The following C2orf92 variants were observed in gnomAD, a reference collection of about 807,000 sequenced individuals.
C2orf92 encodes uncharacterized protein C2orf92.
upstream of C2orf92, chr2:97,668,007 C>A (rs2104525297): frequency 6.6e-6 from 1 of 152,210 alleles, no homozygotes; most frequent in Admixed American, 6.5e-5. Context: ...AGATTTTAGA[C>A]CCTCTTCAAC....
intron 2 of C2orf92, chr2:97,675,587 T>G (rs1675547569): frequency 2.8e-6 from 1 of 358,780 alleles, no homozygotes; most frequent in South Asian, 1.5e-4. Flanking sequence ...AAACCTGCCA[T>G]GTGCACAAAT....
chr2:97,692,685 C>G (rs943657227), intron 5 of C2orf92, among the ~76,000 whole-genome samples: 7 of 152,244 alleles, frequency 4.6e-5, no homozygotes, highest in Non-Finnish European at 8.8e-5. Flanking sequence ...GCTGGGATTA[C>G]AGGCATGAGC....
chr2:97,671,594 G>A, intron 1 of C2orf92: 1 of 398,154 alleles, frequency 2.5e-6, no homozygotes, highest in Non-Finnish European at 4.4e-6. Flanking sequence ...TCCCGCTGCT[G>A]TGAAGGGAAG....
chr2:97,682,448 G>A (rs1273995909), intron 3 of C2orf92, among the ~76,000 whole-genome samples: 1 of 152,164 alleles, frequency 6.6e-6, no homozygotes, highest in African/African-American at 2.4e-5. Context: ...AACACTTCCT[G>A]GCTTACTCTA....
chr2:97,686,764 C>T (rs971917356), intron 3 of C2orf92, among the ~76,000 whole-genome samples: 1 of 152,038 alleles, frequency 6.6e-6, no homozygotes, highest in African/African-American at 2.4e-5. Context: ...GCCTCAGTCC[C>T]AGCACTTTGG....
upstream of C2orf92, chr2:97,665,731 CTCTCTCTATATATATATATA>C (rs1357138710): frequency 0.018 from 414 of 23,176 alleles, 2 homozygotes; most frequent in African/African-American, 0.056. Flanking sequence ...CTCTCTCTCT[CTCTCTCTATATATATATATA>C]TATATATATA....
chr2:97,690,421 C>T (rs1573221397), intron 5 of C2orf92, 94 bp downstream of exon 5: 1 of 383,770 alleles, frequency 2.6e-6, no homozygotes, highest in African/African-American at 2.1e-5. Flanking sequence ...CACTCTGTTG[C>T]CCAGGCTGGA....
rs1333159647 is a variant in C2orf92, at chr2:97,701,310, T to C, written c.665+6T>C. The C allele has an allele frequency of 5.0e-6, 2 of 398,778 alleles. No individual in the cohort carries two copies. The highest frequency in any genetic ancestry group is 4.1e-5 in the African/African-American group (2 of 48,620). 24.7% of individuals were successfully genotyped at this position (398,778 alleles called of 1,614,324 possible). A position where few individuals can be genotyped will look rare whatever the true frequency, so the allele number is the denominator to read the frequency against. ...ATCAGGAAGAAACAGCCATCGTGCG[T>C]GGTGCTGGCATAACCTTCCTTCCAA... is the stretch of plus-strand genomic sequence containing the variant. On this transcript the variant is annotated splice_donor_region_variant and intron_variant, in intron 7 of 7. Transcript: ENST00000627399.
At chr2:97,689,585 T>G (rs1399118427) in intron 4 of C2orf92, among the ~76,000 whole-genome samples, 1 of 152,148 alleles carries the variant, frequency 6.6e-6, no homozygotes, top group African/African-American at 2.4e-5. Flanking sequence ...AATAGTGTAT[T>G]GGAAATCTGC....
Position 97,699,224 on chromosome 2 carries a change from ACT to A in C2orf92, c.514+89_514+90del. The A allele has an allele frequency of 1.0e-5, 4 of 396,776 alleles. No individual in the cohort carries two copies. In the East Asian group the frequency reaches 1.4e-4, roughly 14 times the overall value. 24.6% of individuals were successfully genotyped at this position (396,776 alleles called of 1,614,324 possible). On this transcript the variant is annotated intron_variant, in intron 6 of 7. Transcript: ENST00000627399. ...GTCTTTTGCCTTTCATGGTATTTTAACTGACATCTTTAATTCACCCGCTAAAG... is the reference window on the plus strand; with the variant it reads ...GTCTTTTGCCTTTCATGGTATTTTAAGACATCTTTAATTCACCCGCTAAAG...
chr2:97,681,998 A>G (rs1280377529), intron 3 of C2orf92, among the ~76,000 whole-genome samples: 1 of 152,206 alleles, frequency 6.6e-6, no homozygotes, highest in East Asian at 1.9e-4. Flanking sequence ...AAATAACAGA[A>G]AAACAATAGA....
chr2:97,674,643 A>G, intron 2 of C2orf92, 86 bp downstream of exon 2: 1 of 397,092 alleles, frequency 2.5e-6, no homozygotes. Flanking sequence ...GCATTTTAGC[A>G]TTCCTTAAAT....
At chr2:97,690,715 C>G (rs1277342828) in intron 5 of C2orf92, among the ~76,000 whole-genome samples, 1 of 150,144 alleles carries the variant, frequency 6.7e-6, no homozygotes, top group Admixed American at 6.7e-5. Context: ...GAGTTCAGAG[C>G]TGAGGGTCTG....
chr2:97,687,605 A>G (rs1676006032), intron 3 of C2orf92, among the ~76,000 whole-genome samples: 1 of 151,340 alleles, frequency 6.6e-6, no homozygotes, highest in Non-Finnish European at 1.5e-5. Flanking sequence ...CTTAGGTGTG[A>G]GAAGGAGCAA....
intron 6 of C2orf92, among the ~76,000 whole-genome samples, chr2:97,700,822 C>T (rs539715276): frequency 2.0e-5 from 3 of 152,162 alleles, no homozygotes; most frequent in South Asian, 2.1e-4. Flanking sequence ...CTCCGCCTCC[C>T]GGGTTCACGC....
intron 3 of C2orf92, among the ~76,000 whole-genome samples, chr2:97,686,328 C>T (rs1020520219): frequency 2.0e-5 from 3 of 152,178 alleles, no homozygotes; most frequent in East Asian, 1.9e-4. Context: ...CCTAACATGA[C>T]GACCACATTG....
At chr2:97,700,781 T>C (rs927477953) in intron 6 of C2orf92, among the ~76,000 whole-genome samples, 1 of 151,410 alleles carries the variant, frequency 6.6e-6, no homozygotes, top group Non-Finnish European at 1.5e-5. Flanking sequence ...TGGAGTGCAG[T>C]GGTGCGATCT....
At chr2:97,689,748 C>T (rs1242918406) in intron 4 of C2orf92, among the ~76,000 whole-genome samples, 6 of 152,110 alleles carry the variant, frequency 3.9e-5, no homozygotes, top group South Asian at 2.1e-4. Flanking sequence ...GGCAGTGAGG[C>T]GGCACCACTG....
intron 6 of C2orf92, among the ~76,000 whole-genome samples, chr2:97,699,579 T>A (rs1037211342): frequency 1.3e-5 from 2 of 152,172 alleles, no homozygotes; most frequent in African/African-American, 2.4e-5. Context: ...CACTCCAGCC[T>A]GGGCAACAAG....
Sources: allele counts gnomAD v4.1 joint callset (sites outside exome capture counted in the v4.1 genomes callset), GRCh38; gene constraint gnomAD v4.1.1; transcripts MANE v1.5; gene names NCBI Gene and HGNC (gene_info 2026-07-23, HGNC 2026-07-21).